ADGRF3: variants seen among roughly 807,000 people sequenced by gnomAD.
ADGRF3 encodes the protein G protein-coupled receptor 113.
ADGRF3 carries 85 observed loss-of-function variants against 93.2 expected under a neutral mutation model. That is an observed-to-expected ratio of 0.91 (90% CI 0.77 to 1.09). The LOEUF (loss-of-function observed/expected upper bound fraction) is 1.09. Ranked by LOEUF, ADGRF3 falls within the 50% of genes least tolerant of loss-of-function variation. The pLI is 0.00. For missense variants in ADGRF3, 1,125 were observed against 1,246.2 expected, an observed-to-expected ratio of 0.90 and a Z score of 1.46; for synonymous variants, 534 against 532.5, an observed-to-expected ratio of 1.00 and a Z score of -0.04.
chr2:26,312,124 C>A, intron 9 of ADGRF3, 50 bp from the exon 10 acceptor site: 2 of 1,537,900 alleles, frequency 1.3e-6, no homozygotes, highest in Admixed American at 1.9e-5. Flanking sequence ...GCCCACAGGA[C>A]TGAGCCGGGG....
At chr2:26,335,065 T>G (rs1287213368) in intron 1 of ADGRF3, among the ~76,000 whole-genome samples, 2 of 152,220 alleles carry the variant, frequency 1.3e-5, no homozygotes, top group Non-Finnish European at 2.9e-5. Context: ...TGAGATAAAA[T>G]TCACCCTTTT....
At chr2:26,312,792 G>T in intron 9 of ADGRF3, 151 bp downstream of exon 9, 2 of 695,158 alleles carry the variant, frequency 2.9e-6, no homozygotes, top group Non-Finnish European at 4.7e-6. Flanking sequence ...TGTCTGAGAG[G>T]AGAAATGGAT....
chr2:26,342,478 ATT>A (rs1305498029), intron 1 of ADGRF3, among the ~76,000 whole-genome samples: 6 of 152,216 alleles, frequency 3.9e-5, no homozygotes, highest in African/African-American at 1.4e-4. Context: ...GGCTGTCTCC[ATT>A]TATCTGATAC....
intron 10 of ADGRF3, 102 bp from the exon 11 acceptor site, chr2:26,310,339 ATC>A: frequency 7.6e-7 from 1 of 1,323,968 alleles, no homozygotes; most frequent in Non-Finnish European, 1.1e-6. Context: ...AAGGCTTCTC[ATC>A]TCAATTTTTC....
intron 1 of ADGRF3, among the ~76,000 whole-genome samples, chr2:26,322,035 C>G (rs1259610716): frequency 2.7e-5 from 4 of 149,656 alleles, no homozygotes; most frequent in African/African-American, 9.9e-5. Flanking sequence ...AATCCCAGCA[C>G]TACACCTTGG....
intron 1 of ADGRF3, among the ~76,000 whole-genome samples, chr2:26,323,065 G>A (rs1469190971): frequency 6.6e-6 from 1 of 152,118 alleles, no homozygotes; most frequent in Non-Finnish European, 1.5e-5. Flanking sequence ...CTTGAACCCA[G>A]GAGGCGGAGG....
chr2:26,321,548 T>C (rs1194190016), intron 1 of ADGRF3, among the ~76,000 whole-genome samples: 1 of 151,986 alleles, frequency 6.6e-6, no homozygotes, highest in East Asian at 1.9e-4. Context: ...AAGTGGATGC[T>C]TCAGTGCCGA....
chr2:26,340,081 G>A (rs1676284070), intron 1 of ADGRF3, among the ~76,000 whole-genome samples: 4 of 152,148 alleles, frequency 2.6e-5, no homozygotes, highest in Admixed American at 2.6e-4. Flanking sequence ...TGCAAGCAGT[G>A]AGCATCCCGA....
At chr2:26,329,067 G>T (rs1675616471) in intron 1 of ADGRF3, among the ~76,000 whole-genome samples, 1 of 152,220 alleles carries the variant, frequency 6.6e-6, no homozygotes, top group Non-Finnish European at 1.5e-5. Flanking sequence ...TAATCACAAG[G>T]GTCCTTGTAA....
intron 1 of ADGRF3, among the ~76,000 whole-genome samples, chr2:26,341,151 G>A (rs897130362): frequency 1.3e-5 from 2 of 152,148 alleles, no homozygotes; most frequent in African/African-American, 4.8e-5. Flanking sequence ...GGCCAAGGTG[G>A]GTGGATCACC....
chr2:26,309,353 C>G, intron 13 of ADGRF3, 173 bp downstream of exon 13: 8 of 1,479,322 alleles, frequency 5.4e-6, no homozygotes, highest in Non-Finnish European at 8.9e-7. Flanking sequence ...ACATTTCCAC[C>G]GTCTCCCAGC....
At chr2:26,314,901 T>C in intron 5 of ADGRF3, 1 of 425,880 alleles carries the variant, frequency 2.3e-6, no homozygotes, top group Non-Finnish European at 4.2e-6. Context: ...ACCCCTGCCA[T>C]TTTAGCATCT....
At chr2:26,309,362 G>T in intron 13 of ADGRF3, 164 bp downstream of exon 13, 1 of 1,485,290 alleles carries the variant, frequency 6.7e-7, no homozygotes, top group Non-Finnish European at 8.9e-7. Flanking sequence ...CCGTCTCCCA[G>T]CCATCTAGCA....
At chr2:26,342,209 G>C (rs1219223062) in intron 1 of ADGRF3, among the ~76,000 whole-genome samples, 1 of 151,954 alleles carries the variant, frequency 6.6e-6, no homozygotes, top group Non-Finnish European at 1.5e-5. Context: ...CTTTTGGTAA[G>C]ATATATTACT....
In ADGRF3 at chr2:26,346,302, G is replaced by A. The variant is rs377617871; in HGVS notation, c.-68C>T. The A allele has an allele frequency of 3.7e-6, 6 of 1,605,756 alleles. No homozygotes were observed. Among genetic ancestry groups the A allele is most frequent in the Non-Finnish European group, 5.1e-6 (6 of 1,174,884 alleles). The stretch of plus-strand genomic sequence containing the variant: ...TGATAAGTACAAGGTACCGCGGGCC[G>A]GCGGATGCCCCTCTCCCTGCTCCCG... On this transcript the variant is annotated 5_prime_UTR_variant, in exon 1 of 14. Coordinates refer to ENST00000651242, the MANE Select transcript of ADGRF3 (RefSeq NM_001321971.2).
chr2:26,345,864 C>G (rs909804167), intron 1 of ADGRF3: 8 of 485,652 alleles, frequency 1.6e-5, no homozygotes, highest in African/African-American at 4.0e-5. Context: ...CCTTTCACCC[C>G]CTCTCTTGCC....
chr2:26,341,248 G>A (rs1256196101), intron 1 of ADGRF3, among the ~76,000 whole-genome samples: 2 of 152,038 alleles, frequency 1.3e-5, no homozygotes, highest in African/African-American at 2.4e-5. Context: ...GCATGGTGGC[G>A]GGCGCCTGTA....
intron 1 of ADGRF3, among the ~76,000 whole-genome samples, chr2:26,337,772 C>T (rs1338369849): frequency 6.6e-6 from 1 of 152,128 alleles, no homozygotes; most frequent in Non-Finnish European, 1.5e-5. Context: ...CCTATAATCC[C>T]AGCACTTTGG....
At position 26,313,762 on chromosome 2, in the gene ADGRF3, T is replaced by C. The variant is rs1400199299; in HGVS notation, c.1070A>G (p.Gln357Arg). Residue 357 changes from glutamine (Q) to arginine (R), a missense_variant and splice_region_variant, in exon 7 of 14, where the codon CAG becomes CGG. By Grantham distance (43) the Gln-to-Arg change is conservative. Coordinates refer to ENST00000651242, the MANE Select transcript of ADGRF3 (RefSeq NM_001321971.2). ...ACTGGGCCCCAGGCCCTGCGTACCC[T>C]GGATGATGGTGATGGAGATGGGGAC... ...LRVPISITII[Q>R]DGDITCPEDA... 6.2e-7 allele frequency: 1 copy of C among 1,613,678 alleles called. No individual in the cohort carries two copies. Among genetic ancestry groups the C allele is most frequent in the Non-Finnish European group, 8.5e-7 (1 of 1,179,852 alleles).
Sources: allele counts gnomAD v4.1 joint callset (sites outside exome capture counted in the v4.1 genomes callset), GRCh38; gene constraint gnomAD v4.1.1; transcripts MANE v1.5; gene names NCBI Gene and HGNC (gene_info 2026-07-23, HGNC 2026-07-21).